Variants in CACHD1 observed in about 807,000 individuals in gnomAD.
The protein encoded by CACHD1 is VWFA and cache domain-containing protein 1.
CACHD1 carries 71 observed loss-of-function variants against 138.7 expected under a neutral mutation model. The observed-to-expected ratio is 0.51, with a 90% CI of 0.42 to 0.62. The LOEUF (loss-of-function observed/expected upper bound fraction) is 0.62. Among genes scored for constraint, CACHD1 ranks in the 20% least tolerant of loss-of-function variants. The pLI, the probability that CACHD1 is intolerant of heterozygous loss-of-function variation, is 0.00. For synonymous variants in CACHD1, 578 were observed against 591.5 expected, an observed-to-expected ratio of 0.98 and a Z score of 0.33; for missense variants, 1,389 against 1,625.3, an observed-to-expected ratio of 0.85 and a Z score of 2.50.
chr1:64,669,011 C>G (rs987192360), intron 16 of CACHD1, among the ~76,000 whole-genome samples: 4 of 152,102 alleles, frequency 2.6e-5, no homozygotes, highest in Admixed American at 2.6e-4. Flanking sequence ...TAAACAAACT[C>G]CTTTTCACCT....
At chr1:64,528,979 T>A (rs1646561055) in intron 1 of CACHD1, among the ~76,000 whole-genome samples, 1 of 152,158 alleles carries the variant, frequency 6.6e-6, no homozygotes, top group African/African-American at 2.4e-5. Flanking sequence ...TTATTATACT[T>A]CCTACCTTTC....
Position 64,692,676 on chromosome 1 carries a change from TA to T in CACHD1, c.*1116del, listed in dbSNP as rs1324817011. ...ATCACGGTTAAAAGCTGCTGCCAGT[TA>T]GCCAAGACATTATCCACCAAATTGC... On this transcript the variant is annotated 3_prime_UTR_variant, in exon 27 of 27. Coordinates refer to ENST00000651257, the MANE Select transcript of CACHD1 (RefSeq NM_020925.4). The T allele has an allele frequency of 6.6e-6, 1 of 152,336 alleles. No homozygotes were observed. Among genetic ancestry groups the T allele is most frequent in the Admixed American group, 6.5e-5 (1 of 15,306 alleles). The allele number at this position is 152,336 out of a possible 1,614,324, so 9.4% of individuals were successfully genotyped here.
rs1162068431 is a variant in CACHD1, at chr1:64,634,356, T to TTTTATTTATTTA, written c.1006+102_1006+113dup. ...GATCACACAATGATGTTTAGAGAGA[T>TTTTATTTATTTA]TTTATTTATTTATTTATGTATGTAT... On this transcript the variant is annotated intron_variant, in intron 7 of 26. Coordinates refer to ENST00000651257, the MANE Select transcript of CACHD1 (RefSeq NM_020925.4). The TTTTATTTATTTA allele has an allele frequency of 6.9e-6, 4 of 583,000 alleles. No homozygotes were observed. In the East Asian group the frequency reaches 1.4e-4, roughly 20 times the overall value. 36.1% of individuals were successfully genotyped at this position (583,000 alleles called of 1,614,324 possible).
At chr1:64,686,933 T>C (rs963687375) in intron 26 of CACHD1, among the ~76,000 whole-genome samples, 2 of 152,178 alleles carry the variant, frequency 1.3e-5, no homozygotes, top group Non-Finnish European at 2.9e-5. Context: ...CACGAGATGG[T>C]GAGTGAGTCC....
intron 26 of CACHD1, among the ~76,000 whole-genome samples, chr1:64,683,544 C>T (rs1213461976): frequency 6.6e-6 from 1 of 152,172 alleles, no homozygotes; most frequent in Non-Finnish European, 1.5e-5. Context: ...TTATGACGTT[C>T]CATTAGCCTC....
At position 64,629,346 on chromosome 1, in the gene CACHD1, C is replaced by T. The variant is rs138232556; in HGVS notation, c.518-9C>T. 64 of 1,613,342 alleles carry T rather than the reference C, an allele frequency of 4.0e-5. No individual in the cohort carries two copies. The African/African-American group carries it at 7.6e-4, about 19-fold the overall frequency. On this transcript the variant is annotated splice_polypyrimidine_tract_variant and intron_variant, in intron 4 of 26. Coordinates refer to ENST00000651257, the MANE Select transcript of CACHD1 (RefSeq NM_020925.4). ...TGGTGGTTATATTTCATTTTCCTTA[C>T]ACCTCTAGTTCTTGCAGACAACCTG...
In CACHD1 at chr1:64,680,283, G is replaced by A. The variant is rs138758482; in HGVS notation, c.3406+527G>A. 7.5e-3 allele frequency among the ~76,000 whole-genome samples: 1,144 copies of A among 152,180 alleles called. 14 individuals carry two copies. Among genetic ancestry groups the A allele is most frequent in the African/African-American group, 0.026 (1,090 of 41,520 alleles). ...GTGGGTGGATCATTTGAGGTCAGGA[G>A]TTCAAGACCAGCCTGGCCAACATGG... is the stretch of plus-strand genomic sequence containing the variant. On this transcript the variant is annotated intron_variant, in intron 24 of 26. Transcript: ENST00000651257.
chr1:64,616,475 T>TA (rs1647710967), intron 4 of CACHD1, among the ~76,000 whole-genome samples: 1 of 152,190 alleles, frequency 6.6e-6, no homozygotes, highest in African/African-American at 2.4e-5. Flanking sequence ...CTGGGTCTTT[T>TA]AAAAATGGTA....
intron 1 of CACHD1, among the ~76,000 whole-genome samples, chr1:64,537,620 C>G (rs1042526148): frequency 6.6e-6 from 1 of 152,108 alleles, no homozygotes; most frequent in Non-Finnish European, 1.5e-5. Context: ...TTGTCACTTC[C>G]GAAGGCTTCA....
intron 2 of CACHD1, among the ~76,000 whole-genome samples, chr1:64,558,781 G>A (rs7541631): frequency 0.016 from 2,454 of 152,106 alleles, 64 homozygotes; most frequent in African/African-American, 0.055. Flanking sequence ...GCATCTATAA[G>A]GAACTTAAAC....
chr1:64,654,334 T>C (rs1649195601), intron 11 of CACHD1, among the ~76,000 whole-genome samples: 2 of 152,162 alleles, frequency 1.3e-5, no homozygotes, highest in Admixed American at 1.3e-4. Context: ...AAAAAACAGA[T>C]TGGATCTTTT....
intron 2 of CACHD1, among the ~76,000 whole-genome samples, chr1:64,577,649 G>A (rs905734432): frequency 6.6e-6 from 1 of 152,156 alleles, no homozygotes; most frequent in African/African-American, 2.4e-5. Context: ...AAAGGATTAA[G>A]TTGGTATATG....
chr1:64,654,711 G>T lies in CACHD1; in HGVS notation c.1690G>T (p.Ala564Ser). 2 of 1,613,588 alleles carry T rather than the reference G, an allele frequency of 1.2e-6. No homozygotes were observed. Among genetic ancestry groups the T allele is most frequent in the Non-Finnish European group, 1.7e-6 (2 of 1,179,654 alleles). The change falls in exon 12 of 27, where the codon GCA becomes TCA. Residue 564 changes from alanine to serine, a missense_variant. Physicochemically the swap from Ala to Ser is moderately conservative, Grantham distance 99 (BLOSUM62 1). Around this residue, in one of 5 missense-constraint regions of CACHD1, gnomAD observed 1,000 missense variants for 1,114.7 expected, o/e 0.90. Transcript: ENST00000651257. ...CCTCCCTCTGGGCAGCCAGATTATC[G>T]CAGTCCCTGTGAACTCATCCCTGTC... Reference protein sequence around the residue: ...LSLPLGSQIIAVPVNSSLSWH... With the variant: ...LSLPLGSQIISVPVNSSLSWH...
At chr1:64,500,733 AAAGAGAGAG>A (rs1553127466) in intron 1 of CACHD1, among the ~76,000 whole-genome samples, 89,824 of 122,004 alleles carry the variant, frequency 0.74, 32,805 homozygotes, top group East Asian at 0.82. Flanking sequence ...AAAAAAAAAA[AAAGAGAGAG>A]AGAGAGAGAG....
intron 1 of CACHD1, among the ~76,000 whole-genome samples, chr1:64,483,912 A>AT (rs1461898688): frequency 7.3e-6 from 1 of 136,726 alleles, no homozygotes; most frequent in African/African-American, 2.8e-5. Context: ...CTCCAAGCAC[A>AT]TTCCTGACCC....
intron 2 of CACHD1, among the ~76,000 whole-genome samples, chr1:64,564,806 T>C (rs1646868773): frequency 6.6e-6 from 1 of 152,100 alleles, no homozygotes; most frequent in Admixed American, 6.6e-5. Flanking sequence ...GACTGGACAT[T>C]ATATTAGCTT....
chr1:64,641,807 T>G lies in CACHD1; in HGVS notation c.1007-13T>G. The G allele has an allele frequency of 1.3e-6, 2 of 1,530,976 alleles. No individual in the cohort carries two copies. The highest frequency in any genetic ancestry group is 2.6e-5 in the South Asian group (2 of 76,856). The allele number at this position is 1,530,976 out of a possible 1,614,324, so 94.8% of individuals were successfully genotyped here. A position where few individuals can be genotyped will look rare whatever the true frequency, so the allele number is the denominator to read the frequency against. ...ATCCAAAGAGAGCATTCAATTGATG[T>G]GTTTTTGTTTAGATACAGACATGGT... On this transcript the variant is annotated splice_polypyrimidine_tract_variant and intron_variant, in intron 7 of 26. Transcript: ENST00000651257.
chr1:64,645,655 G>C (rs1012445840), intron 8 of CACHD1, among the ~76,000 whole-genome samples: 1 of 152,170 alleles, frequency 6.6e-6, no homozygotes, highest in Admixed American at 6.5e-5. Flanking sequence ...GAACATGGAA[G>C]ATTACTTAGG....
rs549532081 is a variant in CACHD1 at position 64,533,522 on chromosome 1, A to G, written c.199-17072A>G. Reference sequence around the variant, plus strand: ...ACCTCTAGTTTTTGAACCTGTTGGTATATTAATAAGTGAAGAAATGCCAAA... The same window carrying G: ...ACCTCTAGTTTTTGAACCTGTTGGTGTATTAATAAGTGAAGAAATGCCAAA... On this transcript the variant is annotated intron_variant, in intron 1 of 26. Transcript: ENST00000651257. Among the ~76,000 whole-genome samples, 113 of 152,306 alleles carry G rather than the reference A, an allele frequency of 7.4e-4. 2 individuals are homozygous for G. Among genetic ancestry groups the G allele is most frequent in the Non-Finnish European group, 1.4e-3 (94 of 68,024 alleles).
Sources: allele counts gnomAD v4.1 joint callset (sites outside exome capture counted in the v4.1 genomes callset), GRCh38; gene constraint gnomAD v4.1.1; regional missense constraint gnomAD v4.1.1; transcripts MANE v1.5; gene names NCBI Gene and HGNC (gene_info 2026-07-23, HGNC 2026-07-21).